Variants in NCALD observed in about 807,000 individuals in gnomAD.
NCALD encodes neurocalcin-delta.
NCALD carries 10 observed loss-of-function variants against 18.6 expected under a neutral mutation model. The ratio of observed to expected loss-of-function variants is 0.54; its 90% CI spans 0.33 to 0.91. The LOEUF is 0.91. Ranked by LOEUF, NCALD falls within the 40% of genes least tolerant of loss-of-function variation. The probability of loss-of-function intolerance (pLI) is 0.03; values close to 1 mark genes in which losing one functional copy is unlikely to be tolerated. For synonymous variants in NCALD, 88 were observed against 87.4 expected (o/e 1.01, Z -0.04); for missense variants, 184 against 247.6 (o/e 0.74, Z 1.72).
intron 1 of NCALD, among the ~76,000 whole-genome samples, chr8:101,771,671 G>A (rs1811589982): frequency 6.6e-6 from 1 of 152,196 alleles, no homozygotes; most frequent in South Asian, 2.1e-4. Flanking sequence ...CTGTTTTGAA[G>A]TGAAATGGGC....
intron 2 of NCALD, among the ~76,000 whole-genome samples, chr8:101,988,088 G>T (rs1820885227): frequency 7.3e-5 from 11 of 150,546 alleles, no homozygotes; most frequent in Admixed American, 7.3e-4. Context: ...CCGGGAGGCG[G>T]AGCTTGCGGT....
Position 101,690,599 on chromosome 8 carries a change from A to C in NCALD, c.485-1193T>G, listed in dbSNP as rs1045190887. ...TCCCCCAACAGAAACACCAACAAAC[A>C]TATCTTCTCCTCAGCCACAACTCCC... On this transcript the variant is annotated intron_variant, in intron 3 of 3. Coordinates refer to ENST00000220931, the MANE Select transcript of NCALD (RefSeq NM_032041.3). 6 of 985,330 alleles carry C rather than the reference A, an allele frequency of 6.1e-6. No homozygotes were observed. In the East Asian group the frequency reaches 5.7e-4, roughly 93 times the overall value. The allele number at this position is 985,330 out of a possible 1,614,324, so 61.0% of individuals were successfully genotyped here.
chr8:101,929,399 G>GAGGGAGGAAGGGAGGA (rs1818469400), intron 2 of NCALD, among the ~76,000 whole-genome samples: 1 of 41,114 alleles, frequency 2.4e-5, no homozygotes, highest in African/African-American at 1.4e-4. Context: ...GGGAGGCATG[G>GAGGGAGGAAGGGAGGA]AGGGAGGGAG....
intron 1 of NCALD, among the ~76,000 whole-genome samples, chr8:101,777,599 G>A (rs1307018609): frequency 1.3e-5 from 2 of 152,160 alleles, no homozygotes; most frequent in Non-Finnish European, 2.9e-5. Context: ...ATGAAAGAAG[G>A]AGAAATAGCC....
At chr8:101,760,521 G>A (rs962950270) in intron 1 of NCALD, among the ~76,000 whole-genome samples, 2 of 152,180 alleles carry the variant, frequency 1.3e-5, no homozygotes, top group Non-Finnish European at 2.9e-5. Flanking sequence ...CCCAGAGAGC[G>A]TCTGGCTGTC....
At chr8:102,052,304 GA>G (rs890800018) in intron 1 of NCALD, among the ~76,000 whole-genome samples, 5 of 152,096 alleles carry the variant, frequency 3.3e-5, no homozygotes, top group Admixed American at 1.3e-4. Flanking sequence ...AAATCCAAAG[GA>G]AAAACCCTCC....
intron 2 of NCALD, among the ~76,000 whole-genome samples, chr8:101,702,122 G>A (rs1815295488): frequency 1.3e-5 from 2 of 152,090 alleles, no homozygotes; most frequent in South Asian, 4.2e-4. Flanking sequence ...AAGATTTCAC[G>A]TAAGATTTTA....
At chr8:101,888,194 G>C (rs1488581071) in intron 3 of NCALD, among the ~76,000 whole-genome samples, 1 of 152,154 alleles carries the variant, frequency 6.6e-6, no homozygotes, top group Non-Finnish European at 1.5e-5. Flanking sequence ...AGACATTGGG[G>C]TTAGAGGAAA....
chr8:102,072,773 A>T (rs1824217870), intron 1 of NCALD, among the ~76,000 whole-genome samples: 1 of 152,240 alleles, frequency 6.6e-6, no homozygotes, highest in East Asian at 1.9e-4. Flanking sequence ...TATCACAATC[A>T]TCAGAGAAAC....
intron 2 of NCALD, among the ~76,000 whole-genome samples, chr8:101,979,548 T>C (rs1377031622): frequency 6.6e-6 from 1 of 152,166 alleles, no homozygotes; most frequent in East Asian, 1.9e-4. Flanking sequence ...AATCTCAGGA[T>C]GGGAAGAGGC....
chr8:102,098,486 G>GA lies in NCALD; in HGVS notation c.-210+25750_-210+25751insT, dbSNP rs1484353944. On this transcript the variant is annotated intron_variant, in intron 1 of 6. Transcript: ENST00000311028. Reference sequence around the variant, plus strand: ...CAGCTTCCCAAGTTGCTGGCCCTGGGGGGCTGCATCATCCCTCACTGGTTT... The same window carrying GA: ...CAGCTTCCCAAGTTGCTGGCCCTGGGAGGGCTGCATCATCCCTCACTGGTTT... Among the ~76,000 whole-genome samples the GA allele has an allele frequency of 1.2e-4, 18 of 152,138 alleles. No homozygotes were observed. The South Asian group carries it at 3.5e-3, about 30-fold the overall frequency.
intron 1 of NCALD, among the ~76,000 whole-genome samples, chr8:101,748,921 G>T (rs1204101592): frequency 6.6e-6 from 1 of 152,226 alleles, no homozygotes; most frequent in Non-Finnish European, 1.5e-5. Flanking sequence ...TGTGAGGTTT[G>T]TTGGTGCCAC....
chr8:102,112,321 G>A (rs552913557), intron 1 of NCALD, among the ~76,000 whole-genome samples: 42 of 152,204 alleles, frequency 2.8e-4, no homozygotes, highest in Admixed American at 2.7e-3. Context: ...CAAGCTCCAG[G>A]GGCCTCACAG....
chr8:101,804,322 A>G (rs1812981119), intron 4 of NCALD, among the ~76,000 whole-genome samples: 1 of 78,068 alleles, frequency 1.3e-5, no homozygotes. Context: ...ATTATATATT[A>G]TATATAATTA....
At chr8:101,709,890 C>T (rs1279328075) in intron 2 of NCALD, among the ~76,000 whole-genome samples, 1 of 152,114 alleles carries the variant, frequency 6.6e-6, no homozygotes, top group African/African-American at 2.4e-5. Flanking sequence ...CCTAAGATTC[C>T]TGAGAGATGA....
intron 1 of NCALD, among the ~76,000 whole-genome samples, chr8:102,119,516 T>C (rs116851761): frequency 6.6e-6 from 1 of 152,210 alleles, no homozygotes; most frequent in African/African-American, 2.4e-5. Context: ...ATAATGTGAA[T>C]GTATTTAAAG....
chr8:102,035,376 G>A (rs1295660150), intron 1 of NCALD, among the ~76,000 whole-genome samples: 4 of 151,944 alleles, frequency 2.6e-5, no homozygotes, highest in Non-Finnish European at 5.9e-5. Flanking sequence ...AAGTTTAAAT[G>A]TTTTTATGTT....
intron 2 of NCALD, among the ~76,000 whole-genome samples, chr8:101,998,977 C>T (rs1450064369): frequency 6.9e-6 from 1 of 144,718 alleles, no homozygotes; most frequent in Non-Finnish European, 1.5e-5. Flanking sequence ...AACTTAATGG[C>T]AAAAAATGCA....
chr8:102,052,326 G>A (rs1369005872), intron 1 of NCALD, among the ~76,000 whole-genome samples: 1 of 152,140 alleles, frequency 6.6e-6, no homozygotes, highest in East Asian at 1.9e-4. Flanking sequence ...CACTGGGTTA[G>A]GCACATTTTA....
Sources: gnomAD v4.1 joint callset for allele counts (sites outside exome capture counted in the v4.1 genomes callset) on GRCh38, gnomAD v4.1.1 for gene constraint, MANE v1.5 for transcripts, NCBI Gene and HGNC (gene_info 2026-07-23, HGNC 2026-07-21) for gene names.